Variants in STRA8 observed in about 807,000 individuals in gnomAD.
STRA8 encodes stimulated by retinoic acid gene 8 protein homolog.
A neutral mutation model predicts 37.1 loss-of-function variants in STRA8; 18 were observed. The observed-to-expected ratio is 0.48, with a 90% confidence interval of 0.34 to 0.72. STRA8 has a LOEUF of 0.72. Ranked by LOEUF, STRA8 falls within the 30% of genes least tolerant of loss-of-function variation. The probability of loss-of-function intolerance (pLI) is 0.01; values close to 1 mark genes in which losing one functional copy is unlikely to be tolerated. For missense variants in STRA8, 357 were observed against 410.4 expected (o/e 0.87, Z 1.13); for synonymous variants, 168 against 162.9 (o/e 1.03, Z -0.24).
Position 135,240,584 on chromosome 7 carries a change from A to G in STRA8, c.60A>G (p.Ala20=), listed in dbSNP as rs200975916. The G allele has an allele frequency of 6.2e-7, 1 of 1,614,094 alleles. No individual in the cohort carries two copies. Among genetic ancestry groups the G allele is most frequent in the East Asian group, 2.2e-5 (1 of 44,880 alleles). ...ACAGAGCAACACCCCAGCTGCCAGC[A>G]CAGCTGCAGGAGCTTGAGCATCGGG... ...PHDRATPQLP[A]QLQELEHRVA... Residue 20 remains alanine, a synonymous_variant, in exon 2 of 9, where the codon GCA becomes GCG. Coordinates refer to ENST00000662584, the MANE Select transcript of STRA8 (RefSeq NM_001394401.1).
At chr7:135,241,575 C>G (rs974694611) in intron 2 of STRA8, among the ~76,000 whole-genome samples, 7 of 152,194 alleles carry the variant, frequency 4.6e-5, no homozygotes, top group African/African-American at 1.7e-4. Context: ...TTAGCTCTGC[C>G]TTTGGGATTC....
upstream of STRA8, among the ~76,000 whole-genome samples, chr7:135,232,665 C>T (rs1832310923): frequency 6.6e-6 from 1 of 152,054 alleles, no homozygotes; most frequent in African/African-American, 2.4e-5. Context: ...AGAATTGACC[C>T]TTACTGGAAG....
intron 2 of STRA8, 91 bp from the exon 3 acceptor site, chr7:135,242,689 TG>T: frequency 8.6e-7 from 1 of 1,168,356 alleles, no homozygotes; most frequent in Non-Finnish European, 1.3e-6. Context: ...TGAGGGAGCG[TG>T]GCCTCAGCCC....
At position 135,246,274 on chromosome 7, in the gene STRA8, G is replaced by C; in HGVS notation, c.594-143G>C. ...CTGCTGCTCTCCAAGGGCCAGGGGC[G>C]TGCAGAGTCTGAGAAGTCTCAGCCC... On this transcript the variant is annotated intron_variant, in intron 5 of 8. Transcript: ENST00000662584. This position sits in a 1 kb window ranked among gnomAD's most constrained non-coding sequence, Gnocchi z 5.4. The C allele has an allele frequency of 8.9e-7, 1 of 1,126,794 alleles. No homozygotes were observed. Among genetic ancestry groups the C allele is most frequent in the Non-Finnish European group, 1.3e-6 (1 of 777,314 alleles). 69.8% of individuals were successfully genotyped at this position (1,126,794 alleles called of 1,614,324 possible).
intron 1 of STRA8, among the ~76,000 whole-genome samples, chr7:135,236,738 C>A (rs981136839): frequency 2.6e-5 from 4 of 152,182 alleles, no homozygotes; most frequent in South Asian, 4.1e-4. Flanking sequence ...CCCCTCCACC[C>A]ACCAAGATTT....
chr7:135,233,786 T>G (rs1268830041), upstream of STRA8, among the ~76,000 whole-genome samples: 5 of 152,182 alleles, frequency 3.3e-5, no homozygotes, highest in Admixed American at 3.3e-4. Context: ...TCCCCACCCC[T>G]GTAACGAGGT....
At position 135,246,404 on chromosome 7, in the gene STRA8, G is replaced by A. The variant is rs375394020; in HGVS notation, c.594-13G>A. 1 of 1,593,204 alleles carries A rather than the reference G, an allele frequency of 6.3e-7. No individual in the cohort carries two copies. Among genetic ancestry groups the A allele is most frequent in the Non-Finnish European group, 8.6e-7 (1 of 1,168,648 alleles). On this transcript the variant is annotated splice_polypyrimidine_tract_variant and intron_variant, in intron 5 of 8. Coordinates refer to ENST00000662584, the MANE Select transcript of STRA8 (RefSeq NM_001394401.1). This position sits in a 1 kb window ranked among gnomAD's most constrained non-coding sequence, Gnocchi z 5.4. ...AGCTTTAGGGGTGCGAGACGGCGCC[G>A]CTTCTGTTCCAGGTATCTCAACTTT...
upstream of STRA8, among the ~76,000 whole-genome samples, chr7:135,233,330 C>T (rs550375932): frequency 1.1e-4 from 16 of 152,268 alleles, 1 homozygote; most frequent in South Asian, 3.3e-3. Flanking sequence ...CCCTTTCTCC[C>T]TTTTATGCGT....
intron 8 of STRA8, among the ~76,000 whole-genome samples, chr7:135,257,147 A>G (rs746151706): frequency 2.0e-5 from 3 of 152,212 alleles, no homozygotes; most frequent in Non-Finnish European, 4.4e-5. Flanking sequence ...GGAAAGGCTC[A>G]GTTTGTGGAG....
chr7:135,239,315 G>C (rs929759934), intron 1 of STRA8, among the ~76,000 whole-genome samples: 7 of 152,164 alleles, frequency 4.6e-5, no homozygotes, highest in African/African-American at 1.7e-4. Flanking sequence ...TGCACGCTGG[G>C]TTCAGATCCG....
chr7:135,233,136 AT>A (rs1832317707), upstream of STRA8, among the ~76,000 whole-genome samples: 1 of 152,224 alleles, frequency 6.6e-6, no homozygotes, highest in African/African-American at 2.4e-5. Context: ...GTACATCTAT[AT>A]TTGGGAAGGA....
chr7:135,236,496 T>C (rs1832380600), intron 1 of STRA8, among the ~76,000 whole-genome samples: 1 of 152,216 alleles, frequency 6.6e-6, no homozygotes, highest in South Asian at 2.1e-4. Context: ...ATCTCTGTAC[T>C]GAGTTCCCTC....
chr7:135,258,573 C>G lies in STRA8; in HGVS notation c.*81C>G. ...TGAATGCTGGCAGCTAAGGTTGCAC[C>G]TGCCTTGGCCTCCAGGACTCTTTGG... On this transcript the variant is annotated 3_prime_UTR_variant, in exon 9 of 9. Coordinates refer to ENST00000662584, the MANE Select transcript of STRA8 (RefSeq NM_001394401.1). The G allele has an allele frequency of 8.4e-7, 1 of 1,196,900 alleles. No individual in the cohort carries two copies. Among genetic ancestry groups the G allele is most frequent in the Non-Finnish European group, 1.2e-6 (1 of 833,368 alleles). The allele number at this position is 1,196,900 out of a possible 1,614,324, so 74.1% of individuals were successfully genotyped here.
chr7:135,258,579 T>A lies in STRA8; in HGVS notation c.*87T>A. On this transcript the variant is annotated 3_prime_UTR_variant, in exon 9 of 9. Transcript: ENST00000662584. Reference sequence around the variant, plus strand: ...CTGGCAGCTAAGGTTGCACCTGCCTTGGCCTCCAGGACTCTTTGGAGTGGG... The same window carrying A: ...CTGGCAGCTAAGGTTGCACCTGCCTAGGCCTCCAGGACTCTTTGGAGTGGG... 1.8e-6 allele frequency: 2 copies of A among 1,101,146 alleles called. No individual in the cohort carries two copies. Among genetic ancestry groups the A allele is most frequent in the Non-Finnish European group, 1.3e-6 (1 of 748,354 alleles). 68.2% of individuals were successfully genotyped at this position (1,101,146 alleles called of 1,614,324 possible).
At chr7:135,232,132 G>A, upstream of STRA8, 2 of 1,129,938 alleles carry the variant, frequency 1.8e-6, no homozygotes, top group South Asian at 1.2e-5. Flanking sequence ...GGCGGGAGGT[G>A]GGGTGACTAC....
chr7:135,240,829 G>C (rs1395826805), intron 2 of STRA8, 113 bp downstream of exon 2: 1 of 1,205,980 alleles, frequency 8.3e-7, no homozygotes, highest in Non-Finnish European at 1.2e-6. Flanking sequence ...CACTTCTGCT[G>C]GGGTAGCGAC....
intron 1 of STRA8, among the ~76,000 whole-genome samples, chr7:135,234,487 G>C (rs1030432814): frequency 6.6e-6 from 1 of 152,174 alleles, no homozygotes; most frequent in African/African-American, 2.4e-5. Context: ...ACATTATGCA[G>C]TGTATTATAC....
chr7:135,248,959 A>G (rs1370102949), intron 6 of STRA8, among the ~76,000 whole-genome samples: 3 of 152,140 alleles, frequency 2.0e-5, no homozygotes, highest in African/African-American at 7.2e-5. Flanking sequence ...CTGTTCCATG[A>G]TGGCTCAAAA....
intron 8 of STRA8, 42 bp from the exon 9 acceptor site, chr7:135,258,376 C>T: frequency 6.5e-7 from 1 of 1,540,540 alleles, no homozygotes; most frequent in South Asian, 1.2e-5. Context: ...GGCCCAAGAC[C>T]CACAGATAAA....
Sources: gnomAD v4.1 joint callset for allele counts (sites outside exome capture counted in the v4.1 genomes callset) on GRCh38, gnomAD v4.1.1 for gene constraint, Gnocchi (gnomAD v3.1) non-coding constraint, MANE v1.5 for transcripts, NCBI Gene and HGNC (gene_info 2026-07-23, HGNC 2026-07-21) for gene names.